The following LPIN2 variants were observed in gnomAD, a reference collection of about 807,000 sequenced individuals.
The protein encoded by LPIN2 is phosphatidate phosphatase LPIN2.
In LPIN2, 55 loss-of-function variants were observed where a neutral mutation model predicts 111.4. The ratio of observed to expected loss-of-function variants is 0.49; its 90% CI spans 0.40 to 0.62. The LOEUF (loss-of-function observed/expected upper bound fraction) is 0.62, where lower values mean the gene tolerates loss of function less well. Ranked by LOEUF, LPIN2 falls within the 20% of genes least tolerant of loss-of-function variation. The probability of loss-of-function intolerance (pLI) is 0.00; values close to 1 mark genes in which losing one functional copy is unlikely to be tolerated. For missense variants in LPIN2, 992 were observed against 1,112.1 expected (o/e 0.89, Z 1.54); for synonymous variants, 425 against 414.0 (o/e 1.03, Z -0.32).
At chr18:2,988,117 A>G (rs529151957) in intron 1 of LPIN2, among the ~76,000 whole-genome samples, 3 of 151,734 alleles carry the variant, frequency 2.0e-5, no homozygotes, top group Admixed American at 6.6e-5. Context: ...TGGGTCCCCA[A>G]CAGAATCTGG....
intron 1 of LPIN2, among the ~76,000 whole-genome samples, chr18:2,974,499 T>C (rs1484981438): frequency 1.3e-5 from 2 of 152,266 alleles, no homozygotes; most frequent in African/African-American, 4.8e-5. Flanking sequence ...CATGTGGGAT[T>C]TGCTTAAAAT....
intron 4 of LPIN2, 123 bp downstream of exon 4, chr18:2,950,932 A>G (rs2077525598): frequency 9.9e-7 from 1 of 1,010,426 alleles, no homozygotes; most frequent in Admixed American, 1.8e-5. Context: ...TTCCACAATA[A>G]ACTGTAAAGG....
At chr18:2,929,308 A>T in intron 9 of LPIN2, 150 bp from the exon 10 acceptor site, 1 of 626,114 alleles carries the variant, frequency 1.6e-6, no homozygotes, top group Non-Finnish European at 2.8e-6. Flanking sequence ...AAAATGTCAG[A>T]CGCTTTTTTT....
intron 1 of LPIN2, among the ~76,000 whole-genome samples, chr18:3,001,370 T>A (rs1328212792): frequency 6.6e-6 from 1 of 151,802 alleles, no homozygotes; most frequent in East Asian, 1.9e-4. Flanking sequence ...CTAAGAAATG[T>A]AAACCAATAA....
chr18:2,987,229 A>G (rs2078200063), intron 1 of LPIN2, among the ~76,000 whole-genome samples: 1 of 152,200 alleles, frequency 6.6e-6, no homozygotes, highest in Non-Finnish European at 1.5e-5. Flanking sequence ...TTTCAGAAAC[A>G]AATTACTTGT....
At chr18:2,940,518 A>G (rs1242426518) in intron 5 of LPIN2, 87 bp downstream of exon 5, 4 of 774,740 alleles carry the variant, frequency 5.2e-6, no homozygotes, top group Non-Finnish European at 9.0e-6. Flanking sequence ...GAGAAATGGG[A>G]AATATCATTA....
At position 2,926,814 on chromosome 18, in the gene LPIN2, G is replaced by C. The variant is rs774311463; in HGVS notation, c.1711-9C>G. 2.5e-6 allele frequency: 4 copies of C among 1,611,620 alleles called. No individual in the cohort carries two copies. The Admixed American group carries it at 5.0e-5, about 20-fold the overall frequency. Reference sequence around the variant, plus strand: ...TCCTTGGATTCTGGCAGCTGTAACAGCAAGATGATAATGGCAACATGCAAT... The same window carrying C: ...TCCTTGGATTCTGGCAGCTGTAACACCAAGATGATAATGGCAACATGCAAT... On this transcript the variant is annotated splice_polypyrimidine_tract_variant and intron_variant, in intron 12 of 19. Coordinates refer to ENST00000677752, the MANE Select transcript of LPIN2 (RefSeq NM_001375808.2).
chr18:2,919,873 T>C lies in LPIN2; in HGVS notation c.*420A>G. ...TGGGCCCGCAGCAGTTCAGGGACCCTGACATCTGAAGACAGCCCTGGTTAC... is the reference window on the plus strand; with the variant it reads ...TGGGCCCGCAGCAGTTCAGGGACCCCGACATCTGAAGACAGCCCTGGTTAC... On this transcript the variant is annotated 3_prime_UTR_variant, in exon 20 of 20. Transcript: ENST00000677752. The C allele has an allele frequency of 3.7e-6, 1 of 267,986 alleles. No homozygotes were observed. Among genetic ancestry groups the C allele is most frequent in the South Asian group, 4.2e-5 (1 of 23,656 alleles). The allele number at this position is 267,986 out of a possible 1,614,324, so 16.6% of individuals were successfully genotyped here.
At position 2,937,670 on chromosome 18, in the gene LPIN2, G is replaced by A. The variant is rs77286510; in HGVS notation, c.1168+22C>T. On this transcript the variant is annotated intron_variant, in intron 7 of 19. Coordinates refer to ENST00000677752, the MANE Select transcript of LPIN2 (RefSeq NM_001375808.2). ...ACCATCTAATTTGAGAGTACCTGGAGCCAAATTAAACAAACGATTACCTTT... is the reference window on the plus strand; with the variant it reads ...ACCATCTAATTTGAGAGTACCTGGAACCAAATTAAACAAACGATTACCTTT... 6.3e-5 allele frequency: 100 copies of A among 1,597,116 alleles called. 1 individual carries two copies. The East Asian group carries it at 2.2e-3, about 35-fold the overall frequency.
intron 1 of LPIN2, among the ~76,000 whole-genome samples, chr18:2,962,096 G>A (rs1478794079): frequency 6.6e-6 from 1 of 152,206 alleles, no homozygotes; most frequent in African/African-American, 2.4e-5. Context: ...ATATCTGCCT[G>A]CACAGAAATT....
intron 1 of LPIN2, among the ~76,000 whole-genome samples, chr18:2,973,256 T>G (rs2077953049): frequency 6.6e-6 from 1 of 152,124 alleles, no homozygotes; most frequent in Non-Finnish European, 1.5e-5. Context: ...AGTGTACAGT[T>G]GTTAGCTGTG....
Position 2,951,237 on chromosome 18 carries a change from G to A in LPIN2, c.408C>T (p.Asp136=). 1.9e-6 allele frequency: 3 copies of A among 1,614,088 alleles called. No homozygotes were observed. The highest frequency in any genetic ancestry group is 1.3e-5 in the African/African-American group (1 of 74,992). The part of the protein sequence containing the change: ...GGDETPSQSS[D]ISHVLETETI... ...TCTCTGTTTCCAAGACGTGTGAGAT[G>A]TCTGAACTCTGAGATGGTGTTTCAT... The change falls in exon 4 of 20, where the codon GAC becomes GAT. Residue 136 remains aspartate (D), a synonymous_variant. Transcript: ENST00000677752.
intron 1 of LPIN2, among the ~76,000 whole-genome samples, chr18:2,987,531 C>T (rs1157708235): frequency 6.6e-6 from 1 of 152,152 alleles, no homozygotes; most frequent in Non-Finnish European, 1.5e-5. Context: ...GTGGACATTT[C>T]AGGTCCATCT....
At chr18:2,940,776 C>A in intron 4 of LPIN2, 64 bp from the exon 5 acceptor site, 1 of 905,796 alleles carries the variant, frequency 1.1e-6, no homozygotes, top group Non-Finnish European at 1.8e-6. Flanking sequence ...AAAATATCCC[C>A]CAAACCTACT....
chr18:2,963,086 T>C (rs1172692918), intron 1 of LPIN2, among the ~76,000 whole-genome samples: 1 of 152,234 alleles, frequency 6.6e-6, no homozygotes, highest in Non-Finnish European at 1.5e-5. Context: ...GTCAAATAAC[T>C]GGTTTTCTCT....
rs1295333459 is a variant in LPIN2 at position 2,920,861 on chromosome 18, T to C, written c.2463A>G (p.Gln821=). 2.5e-6 allele frequency: 4 copies of C among 1,613,650 alleles called. No homozygotes were observed. The highest frequency in any genetic ancestry group is 4.5e-5 in the East Asian group (2 of 44,884). The stretch of plus-strand genomic sequence containing the variant: ...ATATTCTACAGTCTGGAACTCCAAC[T>C]TGTGTGTAGGCATAGACATCCTGCA... The part of the protein sequence containing the change: ...NRPNDVYAYT[Q]VGVPDCRIFT... Residue 821 remains glutamine (Q), a synonymous_variant, in exon 19 of 20, where the codon CAA becomes CAG. Transcript: ENST00000677752.
intron 1 of LPIN2, among the ~76,000 whole-genome samples, chr18:2,974,461 G>T (rs536818425): frequency 3.3e-4 from 50 of 152,298 alleles, no homozygotes; most frequent in African/African-American, 1.1e-3. Flanking sequence ...GTAAAATAAC[G>T]TAACTGTTTT....
intron 1 of LPIN2, among the ~76,000 whole-genome samples, chr18:2,993,010 A>T (rs2078288525): frequency 6.6e-6 from 1 of 150,592 alleles, no homozygotes. Context: ...AATATTAGCC[A>T]GGTGTGGTGG....
At position 2,960,173 on chromosome 18, in the gene LPIN2, AAT is replaced by A. The variant is rs1568574056; in HGVS notation, c.192+474_192+475del. 7.8e-5 allele frequency among the ~76,000 whole-genome samples: 6 copies of A among 76,544 alleles called. No individual in the cohort carries two copies. In the South Asian group the frequency reaches 2.3e-3, roughly 30 times the overall value. The allele number at this position is 76,544 out of a possible 152,430, so 50.2% of individuals were successfully genotyped here. On this transcript the variant is annotated intron_variant, in intron 2 of 19. Transcript: ENST00000677752. The stretch of plus-strand genomic sequence containing the variant: ...CAGCAAAGCGAGACTCCGACTCAAA[AAT>A]GTGTGTGTGTGTGTGTGTGTGTGTG...
Sources: allele counts gnomAD v4.1 joint callset (sites outside exome capture counted in the v4.1 genomes callset), GRCh38; gene constraint gnomAD v4.1.1; transcripts MANE v1.5; gene names NCBI Gene and HGNC (gene_info 2026-07-23, HGNC 2026-07-21).